The following TMEM217B variants were observed in gnomAD, a reference collection of about 807,000 sequenced individuals.
TMEM217B encodes transmembrane protein 217B.
At chr6:37,257,884 G>A in the TMEM217B span, 23 of 1,609,794 alleles carry the variant, frequency 1.4e-5, no homozygotes, top group Non-Finnish European at 1.9e-5. Context: ...GCAAACCCTT[G>A]GCCCGCCTAC....
the TMEM217B span, among the ~76,000 whole-genome samples, chr6:37,248,099 A>G: frequency 2.6e-5 from 4 of 152,016 alleles, 1 homozygote; most frequent in South Asian, 6.2e-4. Context: ...CTCATCTTTC[A>G]AGGCCTTCCT....
chr6:37,249,545 T>C, the TMEM217B span, among the ~76,000 whole-genome samples: 1 of 152,186 alleles, frequency 6.6e-6, no homozygotes, highest in Non-Finnish European at 1.5e-5. Flanking sequence ...GGTTTCGAAC[T>C]CCTGACCTCA....
chr6:37,253,157 C>T, the TMEM217B span, among the ~76,000 whole-genome samples: 1 of 152,070 alleles, frequency 6.6e-6, no homozygotes, highest in Non-Finnish European at 1.5e-5. Context: ...TTTTGATGTG[C>T]TATGTAGCAT....
At chr6:37,245,690 A>C in the TMEM217B span, among the ~76,000 whole-genome samples, 1 of 152,186 alleles carries the variant, frequency 6.6e-6, no homozygotes, top group Non-Finnish European at 1.5e-5. Flanking sequence ...AAGGAAGAGG[A>C]GGAGCAGGAG....
chr6:37,242,666 C>T, the TMEM217B span, among the ~76,000 whole-genome samples: 1 of 152,182 alleles, frequency 6.6e-6, no homozygotes, highest in East Asian at 1.9e-4. Context: ...AGGGGTATTG[C>T]TAAGCATTCC....
At chr6:37,212,462 A>T in the TMEM217B span, 1 of 449,268 alleles carries the variant, frequency 2.2e-6, no homozygotes, top group Non-Finnish European at 4.5e-6. Context: ...GGTAGTCATG[A>T]GTTCACTGCA....
the TMEM217B span, among the ~76,000 whole-genome samples, chr6:37,229,552 C>G: frequency 1.3e-5 from 2 of 151,946 alleles, no homozygotes; most frequent in East Asian, 3.9e-4. Flanking sequence ...CCGTGTTAGC[C>G]AGGATGGTCT....
chr6:37,217,628 CAT>C, the TMEM217B span: 1 of 985,124 alleles, frequency 1.0e-6, no homozygotes, highest in African/African-American at 1.7e-5. Flanking sequence ...AAATTCGAGA[CAT>C]AAATTGAAGG....
At chr6:37,226,499 G>A in the TMEM217B span, among the ~76,000 whole-genome samples, 5 of 150,892 alleles carry the variant, frequency 3.3e-5, no homozygotes, top group East Asian at 3.9e-4. Context: ...GGGTTTCACC[G>A]TGTTAGCCAG....
chr6:37,216,039 CAGAT>C, the TMEM217B span, among the ~76,000 whole-genome samples: 13 of 145,474 alleles, frequency 8.9e-5, no homozygotes, highest in Admixed American at 2.0e-4. Context: ...GTGTGAGAAA[CAGAT>C]AGACAGACAG....
chr6:37,242,544 G>T, the TMEM217B span, among the ~76,000 whole-genome samples: 136 of 152,292 alleles, frequency 8.9e-4, no homozygotes, highest in African/African-American at 3.1e-3. Context: ...CTTTGGTGGT[G>T]AATCAGCTGA....
chr6:37,221,375 C>T, the TMEM217B span, among the ~76,000 whole-genome samples: 13 of 151,854 alleles, frequency 8.6e-5, no homozygotes, highest in Non-Finnish European at 1.6e-4. Context: ...TTAGTAGAGA[C>T]GGGGTTTCGC....
chr6:37,239,571 T>A, the TMEM217B span, among the ~76,000 whole-genome samples: 158 of 152,288 alleles, frequency 1.0e-3, 1 homozygote, highest in Middle Eastern at 3.4e-3. Context: ...TATTTGTATT[T>A]CAGTGGTACC....
the TMEM217B span, among the ~76,000 whole-genome samples, chr6:37,250,353 G>A: frequency 9.2e-5 from 14 of 152,142 alleles, no homozygotes; most frequent in African/African-American, 3.1e-4. Flanking sequence ...GTGGGTACAC[G>A]AATGCAAATG....
At chr6:37,222,718 G>T in the TMEM217B span, among the ~76,000 whole-genome samples, 48 of 152,370 alleles carry the variant, frequency 3.2e-4, no homozygotes, top group East Asian at 9.3e-3. Flanking sequence ...CGCCCAAGAG[G>T]GCGGGACTTC....
the TMEM217B span, among the ~76,000 whole-genome samples, chr6:37,241,715 G>T: frequency 2.0e-5 from 3 of 152,072 alleles, no homozygotes; most frequent in Admixed American, 2.0e-4. Context: ...AATTTAATTA[G>T]ATTTTTAAAA....
the TMEM217B span, among the ~76,000 whole-genome samples, chr6:37,217,243 G>A: frequency 3.0e-4 from 45 of 152,190 alleles, no homozygotes; most frequent in African/African-American, 9.4e-4. Context: ...GCAGTGAGCC[G>A]AGGTCGCACC....
the TMEM217B span, among the ~76,000 whole-genome samples, chr6:37,227,729 A>G: frequency 2.6e-5 from 4 of 152,058 alleles, no homozygotes; most frequent in Non-Finnish European, 4.4e-5. Flanking sequence ...GATTACAGGT[A>G]TGAGCCATTG....
At chr6:37,240,790 T>C in the TMEM217B span, among the ~76,000 whole-genome samples, 1 of 152,216 alleles carries the variant, frequency 6.6e-6, no homozygotes, top group African/African-American at 2.4e-5. Context: ...CATCAAATGG[T>C]TGTTACTAAT....
Sources: gnomAD v4.1 joint callset for allele counts (sites outside exome capture counted in the v4.1 genomes callset) on GRCh38, gnomAD v4.1.1 for gene constraint, MANE v1.5 for transcripts, NCBI Gene and HGNC (gene_info 2026-07-23, HGNC 2026-07-21) for gene names.